Variants in LMX1B observed in about 807,000 individuals in gnomAD.
The protein encoded by LMX1B is LIM homeobox transcription factor 1 beta, also known as LIM homeobox transcription factor 1-beta.
A neutral mutation model predicts 51.4 loss-of-function variants in LMX1B; 12 were observed. The ratio of observed to expected loss-of-function variants is 0.23; its 90% confidence interval spans 0.15 to 0.38. LMX1B has a LOEUF of 0.38. Among genes scored for constraint, LMX1B ranks in the 10% least tolerant of loss-of-function variants. The pLI, the probability that LMX1B is intolerant of heterozygous loss-of-function variation, is 1.00. For synonymous variants in LMX1B, 237 were observed against 235.4 expected (o/e 1.01, Z -0.06); for missense variants, 445 against 571.1 (o/e 0.78, Z 2.25).
intron 2 of LMX1B, among the ~76,000 whole-genome samples, chr9:126,682,278 C>T (rs1382218997): frequency 1.3e-5 from 2 of 151,724 alleles, no homozygotes; most frequent in African/African-American, 4.8e-5. Flanking sequence ...CCACTTCCCC[C>T]GATATTGTAG....
chr9:126,687,371 G>C lies in LMX1B; in HGVS notation c.327-3465G>C, dbSNP rs187699205. 4.0e-3 allele frequency among the ~76,000 whole-genome samples: 613 copies of C among 152,218 alleles called. 5 individuals are homozygous for C. The highest frequency in any genetic ancestry group is 0.014 in the African/African-American group (588 of 41,514). ...AACCTCCGGAGTAGCTAGGATTACA[G>C]GTGTGTGCCACCATACCCGGCTAAT... On this transcript the variant is annotated intron_variant, in intron 2 of 7. Transcript: ENST00000373474.
chr9:126,686,793 G>A (rs1312915734), intron 2 of LMX1B, among the ~76,000 whole-genome samples: 1 of 152,230 alleles, frequency 6.6e-6, no homozygotes, highest in Non-Finnish European at 1.5e-5. Context: ...ACCTTTCTGT[G>A]CTCATCTGTA....
chr9:126,656,383 TTAGATAGATAGA>T (rs3052900), intron 2 of LMX1B, among the ~76,000 whole-genome samples: 8,572 of 143,930 alleles, frequency 0.06, 293 homozygotes, highest in Non-Finnish European at 0.067. Context: ...GATCTGGTCT[TTAGATAGATAGA>T]TAGATAGATA....
chr9:126,683,475 G>A (rs1836715877), intron 2 of LMX1B, among the ~76,000 whole-genome samples: 2 of 152,334 alleles, frequency 1.3e-5, no homozygotes, highest in African/African-American at 4.8e-5. Flanking sequence ...GAGGAGGCCG[G>A]GCGGCTCCCT....
intron 2 of LMX1B, among the ~76,000 whole-genome samples, chr9:126,650,446 G>A (rs772599342): frequency 6.6e-6 from 1 of 152,230 alleles, no homozygotes; most frequent in Non-Finnish European, 1.5e-5. Flanking sequence ...GTGAGATGCT[G>A]ATGTGGCCCT....
intron 2 of LMX1B, among the ~76,000 whole-genome samples, chr9:126,619,675 T>C (rs1259079469): frequency 3.9e-5 from 6 of 152,250 alleles, no homozygotes; most frequent in African/African-American, 1.4e-4. Flanking sequence ...CTTGGCTGTG[T>C]GCAAGACGGT....
chr9:126,634,037 G>A (rs866195081), intron 2 of LMX1B, among the ~76,000 whole-genome samples: 12 of 152,082 alleles, frequency 7.9e-5, no homozygotes, highest in Admixed American at 2.6e-4. Context: ...TGTACTCAGC[G>A]AATGTTTGGG....
rs2030399380 is a variant in LMX1B at position 126,697,848 on chromosome 9, TGTTTTGTTTTGTTTTGTTTTG to T, written c.*1398_*1418del. Reference sequence around the variant, plus strand: ...GATGGGGGCACCTACTGTTTTGTTTTGTTTTGTTTTGTTTTGTTTTGTTTTGTTTTGTTTTGTTTTGTTTGA... The same window carrying T: ...GATGGGGGCACCTACTGTTTTGTTTTTTTTGTTTTGTTTTGTTTTGTTTGA... On this transcript the variant is annotated 3_prime_UTR_variant, in exon 8 of 8. Coordinates refer to ENST00000373474, the MANE Select transcript of LMX1B (RefSeq NM_001174147.2). 2.5e-5 allele frequency: 3 copies of T among 121,482 alleles called. No individual in the cohort carries two copies. Among genetic ancestry groups the T allele is most frequent in the African/African-American group, 6.7e-5 (2 of 29,764 alleles). The allele number at this position is 121,482 out of a possible 1,614,324, so 7.5% of individuals were successfully genotyped here.
chr9:126,658,856 G>A lies in LMX1B; in HGVS notation c.327-31980G>A, dbSNP rs910277637. Among the ~76,000 whole-genome samples, 1 of 152,232 alleles carries A rather than the reference G, an allele frequency of 6.6e-6. No individual in the cohort carries two copies. The highest frequency in any genetic ancestry group is 1.5e-5 in the Non-Finnish European group (1 of 68,046). On this transcript the variant is annotated intron_variant, in intron 2 of 7. Coordinates refer to ENST00000373474, the MANE Select transcript of LMX1B (RefSeq NM_001174147.2). The surrounding 1 kb of genome is among the most constrained non-coding windows in gnomAD (Gnocchi z 4.0). The stretch of plus-strand genomic sequence containing the variant: ...AGCCCCCTTGCCTGTATCAGGCCTG[G>A]TTTGCTGTGGAGAGAAGGAGGACTT...
At chr9:126,652,572 C>T (rs568130275) in intron 2 of LMX1B, among the ~76,000 whole-genome samples, 10 of 152,360 alleles carry the variant, frequency 6.6e-5, no homozygotes, top group African/African-American at 2.4e-4. Context: ...CGTGTGTACA[C>T]ATCTCCAGGC....
chr9:126,651,419 G>A (rs900407680), intron 2 of LMX1B, among the ~76,000 whole-genome samples: 11 of 152,046 alleles, frequency 7.2e-5, no homozygotes, highest in African/African-American at 2.4e-4. Context: ...CACAGGGGGC[G>A]GGGGTCAGCC....
intron 3 of LMX1B, among the ~76,000 whole-genome samples, chr9:126,691,791 CCT>C (rs2030143002): frequency 6.6e-6 from 1 of 152,230 alleles, no homozygotes; most frequent in African/African-American, 2.4e-5. Flanking sequence ...CTCGAGCCAG[CCT>C]CTGTTTCCCA....
At chr9:126,660,168 T>C (rs1361050408) in intron 2 of LMX1B, among the ~76,000 whole-genome samples, 13 of 110,186 alleles carry the variant, frequency 1.2e-4, no homozygotes, top group African/African-American at 2.0e-4. Context: ...GAGATTGTCC[T>C]GTGTGGGGGT....
At chr9:126,621,157 G>T (rs561159870) in intron 2 of LMX1B, among the ~76,000 whole-genome samples, 40 of 152,342 alleles carry the variant, frequency 2.6e-4, no homozygotes, top group African/African-American at 9.1e-4. Flanking sequence ...TTAGGCTGAA[G>T]GATGGAGGAT....
At chr9:126,647,198 G>A (rs1438185231) in intron 2 of LMX1B, among the ~76,000 whole-genome samples, 3 of 151,814 alleles carry the variant, frequency 2.0e-5, no homozygotes, top group African/African-American at 7.3e-5. Flanking sequence ...GAGCAACAGA[G>A]TGAGACTCCA....
intron 2 of LMX1B, among the ~76,000 whole-genome samples, chr9:126,672,567 G>A (rs1227902466): frequency 6.6e-6 from 1 of 152,192 alleles, no homozygotes; most frequent in Non-Finnish European, 1.5e-5. Context: ...GGCTGCGAAG[G>A]GACAGGCACT....
In LMX1B at chr9:126,673,841, G is replaced by A; in HGVS notation, c.327-16995G>A. Among the ~76,000 whole-genome samples the A allele has an allele frequency of 6.6e-6, 1 of 152,116 alleles. No individual in the cohort carries two copies. Among genetic ancestry groups the A allele is most frequent in the South Asian group, 2.1e-4 (1 of 4,832 alleles). ...GAGATTGGATGGAAATGGCCTGCCA[G>A]TGTGTGTGTGAGTGTGCGCCTGTGG... is the stretch of plus-strand genomic sequence containing the variant. On this transcript the variant is annotated intron_variant, in intron 2 of 7. Coordinates refer to ENST00000373474, the MANE Select transcript of LMX1B (RefSeq NM_001174147.2). The surrounding 1 kb of genome is among the most constrained non-coding windows in gnomAD (Gnocchi z 4.4).
rs3814119 is a variant in LMX1B, at chr9:126,700,622, T to C, written c.*4171T>C. ...TCACACCTGGACGCACACGGAGGCT[T>C]GCGGACCCATACTCACAGGCACATG... On this transcript the variant is annotated 3_prime_UTR_variant, in exon 8 of 8. Transcript: ENST00000373474. The C allele has an allele frequency of 0.46, 70,089 of 152,272 alleles. 17,066 individuals carry two copies. The highest frequency in any genetic ancestry group is 0.86 in the East Asian group (4,421 of 5,146). 9.4% of individuals were successfully genotyped at this position (152,272 alleles called of 1,614,324 possible). A position where few individuals can be genotyped will look rare whatever the true frequency, so the allele number is the denominator to read the frequency against.
chr9:126,691,384 A>T (rs987522139), intron 3 of LMX1B, among the ~76,000 whole-genome samples: 1 of 152,184 alleles, frequency 6.6e-6, no homozygotes, highest in Admixed American at 6.5e-5. Flanking sequence ...GGATACATGT[A>T]CATGTATGTG....
Sources: gnomAD v4.1 joint callset for allele counts (sites outside exome capture counted in the v4.1 genomes callset) on GRCh38, gnomAD v4.1.1 for gene constraint, Gnocchi (gnomAD v3.1) non-coding constraint, MANE v1.5 for transcripts, NCBI Gene and HGNC (gene_info 2026-07-23, HGNC 2026-07-21) for gene names.